PCED1B: variants seen among roughly 807,000 people sequenced by gnomAD.
PCED1B encodes the protein PC-esterase domain-containing protein 1B.
For synonymous variants in PCED1B, 251 were observed against 246.1 expected (o/e 1.02, Z -0.19); for missense variants, 573 against 573.9 (o/e 1.00, Z 0.02).
chr12:47,126,239 G>T (rs2137329774), intron 2 of PCED1B, among the ~76,000 whole-genome samples: 1 of 152,128 alleles, frequency 6.6e-6, no homozygotes, highest in East Asian at 1.9e-4. Flanking sequence ...GTAGGATTTT[G>T]CCAAATGCTT....
intron 1 of PCED1B, among the ~76,000 whole-genome samples, chr12:47,095,095 G>C (rs56995360): frequency 1.5e-5 from 2 of 134,960 alleles, no homozygotes; most frequent in South Asian, 2.3e-4. Context: ...TTTTTTTGTA[G>C]AGACAAGGTC....
chr12:47,235,676 C>G lies in PCED1B; in HGVS notation c.613C>G (p.Arg205Gly). 6.2e-7 allele frequency: 1 copy of G among 1,613,192 alleles called. No homozygotes were observed. Among genetic ancestry groups the G allele is most frequent in the Non-Finnish European group, 8.5e-7 (1 of 1,179,952 alleles). ...CAACTTCCACAGCGCCACCGAGGCA[C>G]GTAAACATAACTTCGATGTACTGGA... ...KANFHSATEA[R>G]KHNFDVLDLH... Residue 205 changes from arginine (R) to glycine (G), a missense_variant, in exon 4 of 4, where the codon CGT becomes GGT. By Grantham distance (125) the Arg-to-Gly change is moderately radical (BLOSUM62 -2). Transcript: ENST00000546455.
chr12:47,111,487 G>A (rs982190516), intron 2 of PCED1B, among the ~76,000 whole-genome samples: 2 of 151,942 alleles, frequency 1.3e-5, no homozygotes, highest in African/African-American at 2.4e-5. Context: ...GGGGCCTTAA[G>A]TACATTCACT....
Position 47,228,061 on chromosome 12 carries a change from T to G in PCED1B, c.-57-6946T>G, listed in dbSNP as rs1341637045. ...TCCTTTTTTTTTTTTTGAGACAAAG[T>G]CACACTCTGTTGCCCAGGCTGGAGT... On this transcript the variant is annotated intron_variant, in intron 3 of 3. Transcript: ENST00000546455. Among the ~76,000 whole-genome samples the G allele has an allele frequency of 1.1e-4, 16 of 145,306 alleles. No individual in the cohort carries two copies. In the Admixed American group the frequency reaches 1.1e-3, roughly 10 times the overall value.
At chr12:47,121,932 T>C (rs1939695328) in intron 2 of PCED1B, among the ~76,000 whole-genome samples, 1 of 150,686 alleles carries the variant, frequency 6.6e-6, no homozygotes, top group Admixed American at 6.7e-5. Context: ...CTCGGGAGGC[T>C]GAGGCAGGAG....
At chr12:47,233,881 T>G (rs749057607) in intron 3 of PCED1B, among the ~76,000 whole-genome samples, 7 of 152,238 alleles carry the variant, frequency 4.6e-5, no homozygotes, top group Non-Finnish European at 7.3e-5. Flanking sequence ...CTGAAATGTA[T>G]TCAAATTATT....
chr12:47,233,683 A>G (rs2137910633), intron 3 of PCED1B, among the ~76,000 whole-genome samples: 1 of 152,190 alleles, frequency 6.6e-6, no homozygotes, highest in Admixed American at 6.5e-5. Flanking sequence ...TGGTTGGGGG[A>G]AGGGTGTTTA....
intron 2 of PCED1B, among the ~76,000 whole-genome samples, chr12:47,119,795 T>A (rs1233669415): frequency 6.6e-6 from 1 of 151,716 alleles, no homozygotes; most frequent in Non-Finnish European, 1.5e-5. Context: ...GAAAACCCCA[T>A]CTCCACTAAA....
At chr12:47,099,250 T>C (rs10881043) in intron 1 of PCED1B, among the ~76,000 whole-genome samples, 57,366 of 152,126 alleles carry the variant, frequency 0.38, 11,610 homozygotes, top group Admixed American at 0.52. Context: ...ACATACCATT[T>C]TGGGCATCAG....
intron 2 of PCED1B, among the ~76,000 whole-genome samples, chr12:47,151,895 C>T (rs944463318): frequency 1.3e-5 from 2 of 152,100 alleles, no homozygotes; most frequent in Non-Finnish European, 2.9e-5. Flanking sequence ...TACAGACACA[C>T]CGGAAGTAAG....
At chr12:47,182,539 C>T (rs1402607356) in intron 2 of PCED1B, among the ~76,000 whole-genome samples, 6 of 150,852 alleles carry the variant, frequency 4.0e-5, no homozygotes, top group Non-Finnish European at 8.8e-5. Context: ...TGCAGTGAGC[C>T]GAGATCACGC....
intron 2 of PCED1B, among the ~76,000 whole-genome samples, chr12:47,125,619 C>T (rs11183751): frequency 0.22 from 33,009 of 151,848 alleles, 4,627 homozygotes; most frequent in Non-Finnish European, 0.31. Context: ...CTTAATAGTA[C>T]TGAATCTTCT....
In PCED1B at chr12:47,216,652, TGA is replaced by T. The variant is rs1172953208; in HGVS notation, c.-88_-87del. On this transcript the variant is annotated 5_prime_UTR_variant, in exon 3 of 4. The change creates a new upstream start codon in the 5' untranslated region. Transcript: ENST00000546455. ...TCTAGGGACGAGATCTAGAATCAAC[TGA>T]GAGAGATGCTTAAAAATCACCAGTT... 6.6e-6 allele frequency: 1 copy of T among 152,188 alleles called. No individual in the cohort carries two copies. Among genetic ancestry groups the T allele is most frequent in the Non-Finnish European group, 1.5e-5 (1 of 68,034 alleles). 9.4% of individuals were successfully genotyped at this position (152,188 alleles called of 1,614,324 possible).
At chr12:47,174,947 G>T (rs1941874513) in intron 2 of PCED1B, among the ~76,000 whole-genome samples, 1 of 152,166 alleles carries the variant, frequency 6.6e-6, no homozygotes, top group Non-Finnish European at 1.5e-5. Context: ...ACGTGGCAAG[G>T]TGTCAGATGG....
chr12:47,154,539 A>G (rs547426651), intron 2 of PCED1B, among the ~76,000 whole-genome samples: 7 of 152,226 alleles, frequency 4.6e-5, no homozygotes, highest in African/African-American at 1.7e-4. Flanking sequence ...TTCGCCAATG[A>G]CATTTTAACA....
intron 2 of PCED1B, among the ~76,000 whole-genome samples, chr12:47,203,697 A>G (rs933295690): frequency 6.6e-6 from 1 of 152,182 alleles, no homozygotes; most frequent in African/African-American, 2.4e-5. Context: ...CCACATTTTC[A>G]TTATCCAGTC....
chr12:47,186,536 G>A (rs984268515), intron 2 of PCED1B, among the ~76,000 whole-genome samples: 5 of 152,050 alleles, frequency 3.3e-5, no homozygotes, highest in Admixed American at 6.6e-5. Context: ...GATAGGAGGC[G>A]GACAGAGATC....
At chr12:47,211,641 G>A (rs891080431) in intron 2 of PCED1B, among the ~76,000 whole-genome samples, 3 of 117,184 alleles carry the variant, frequency 2.6e-5, no homozygotes, top group African/African-American at 1.0e-4. Context: ...GCAACAGAGT[G>A]AGACTCTGTC....
chr12:47,192,962 G>C (rs1482433210), intron 2 of PCED1B, among the ~76,000 whole-genome samples: 1 of 152,044 alleles, frequency 6.6e-6, no homozygotes, highest in Admixed American at 6.6e-5. Context: ...GTCTACATGA[G>C]ACCTTCCTTA....
Sources: gnomAD v4.1 joint callset for allele counts (sites outside exome capture counted in the v4.1 genomes callset) on GRCh38, gnomAD v4.1.1 for gene constraint, MANE v1.5 for transcripts, NCBI Gene and HGNC (gene_info 2026-07-23, HGNC 2026-07-21) for gene names.